MAP3K20: variants seen among roughly 807,000 people sequenced by gnomAD.
The protein encoded by MAP3K20 is HCCS-4.
In MAP3K20, 40 loss-of-function variants were observed where a neutral mutation model predicts 85.7. The observed-to-expected ratio is 0.47, with a 90% CI of 0.36 to 0.61. The LOEUF is 0.61. Among genes scored for constraint, MAP3K20 ranks in the 20% least tolerant of loss-of-function variants. The pLI is 0.00. For missense variants in MAP3K20, 817 were observed against 961.7 expected (o/e 0.85, Z 1.99); for synonymous variants, 325 against 327.7 (o/e 0.99, Z 0.09).
chr2:173,258,123 C>T (rs899432117), intron 16 of MAP3K20, among the ~76,000 whole-genome samples: 6 of 152,142 alleles, frequency 3.9e-5, no homozygotes, highest in Non-Finnish European at 8.8e-5. Flanking sequence ...TTTGGTTTCC[C>T]AGAGTCCCTC....
At position 173,266,619 on chromosome 2, in the gene MAP3K20, G is replaced by A. The variant is rs1408625736; in HGVS notation, c.2272G>A (p.Glu758Lys). 1.2e-6 allele frequency: 2 copies of A among 1,613,932 alleles called. No individual in the cohort carries two copies. Among genetic ancestry groups the A allele is most frequent in the South Asian group, 2.2e-5 (2 of 91,066 alleles). ...LHPETDSRAS[E>K]EDSKVSEGGW... ...CCCTGAGACTGACTCAAGAGCCAGT[G>A]AAGAGGACAGCAAAGTCAGCGAAGG... Residue 758 changes from glutamate (E) to lysine (K), a missense_variant, in exon 20 of 20, where the codon GAA becomes AAA. Physicochemically the swap from Glu to Lys is moderately conservative, Grantham distance 56 (BLOSUM62 1). Coordinates refer to ENST00000375213, the MANE Select transcript of MAP3K20 (RefSeq NM_016653.3).
chr2:173,247,613 G>A (rs1302413520), intron 16 of MAP3K20, among the ~76,000 whole-genome samples: 6 of 152,174 alleles, frequency 3.9e-5, no homozygotes, highest in Non-Finnish European at 7.3e-5. Context: ...ATAAGTTCTA[G>A]AGATCTACTG....
At chr2:173,116,183 G>T (rs1688118221) in intron 2 of MAP3K20, among the ~76,000 whole-genome samples, 1 of 152,078 alleles carries the variant, frequency 6.6e-6, no homozygotes, top group Non-Finnish European at 1.5e-5. Flanking sequence ...AAGTAAAATG[G>T]TATATATTCA....
intron 2 of MAP3K20, among the ~76,000 whole-genome samples, chr2:173,157,933 T>A (rs1689525398): frequency 6.6e-6 from 1 of 152,224 alleles, no homozygotes; most frequent in South Asian, 2.1e-4. Context: ...TTTGGAACTT[T>A]CTAGACCAGT....
At chr2:173,254,072 G>GAA (rs10659041) in intron 16 of MAP3K20, among the ~76,000 whole-genome samples, 25,380 of 134,320 alleles carry the variant, frequency 0.19, 3,331 homozygotes, top group East Asian at 0.53. Flanking sequence ...ACCTGTGTCA[G>GAA]AAAAAAAAAA....
chr2:173,123,126 C>T (rs921303981), intron 2 of MAP3K20, among the ~76,000 whole-genome samples: 2 of 152,170 alleles, frequency 1.3e-5, no homozygotes, highest in African/African-American at 2.4e-5. Context: ...ATTCCATCCT[C>T]CATATCATGC....
chr2:173,246,142 T>A (rs1179112802), intron 16 of MAP3K20, among the ~76,000 whole-genome samples: 1 of 152,140 alleles, frequency 6.6e-6, no homozygotes, highest in East Asian at 1.9e-4. Flanking sequence ...CTCTGTATCA[T>A]CCTCTTCATG....
intron 2 of MAP3K20, among the ~76,000 whole-genome samples, chr2:173,122,971 T>G (rs1038132367): frequency 6.6e-6 from 1 of 152,248 alleles, no homozygotes; most frequent in Non-Finnish European, 1.5e-5. Context: ...TTTTCAGAGA[T>G]GCAGCGCTCC....
intron 2 of MAP3K20, among the ~76,000 whole-genome samples, chr2:173,137,625 G>T (rs188793902): frequency 6.6e-6 from 1 of 152,070 alleles, no homozygotes; most frequent in Non-Finnish European, 1.5e-5. Flanking sequence ...CCTGTGAATA[G>T]GTATGTTGCT....
chr2:173,114,900 G>A (rs1449552635), intron 2 of MAP3K20, among the ~76,000 whole-genome samples: 1 of 152,174 alleles, frequency 6.6e-6, no homozygotes, highest in Admixed American at 6.5e-5. Flanking sequence ...AGATCTTTTT[G>A]CAGTGAATTT....
At chr2:173,214,537 C>T (rs1487230751) in intron 10 of MAP3K20, 1 of 152,130 alleles carries the variant, frequency 6.6e-6, no homozygotes, top group Non-Finnish European at 1.5e-5. Context: ...TTTGCAATTG[C>T]ACAAATCATG....
Position 173,219,563 on chromosome 2 carries a change from C to T in MAP3K20, c.987+2313C>T, listed in dbSNP as rs1027754585. 1.1e-4 allele frequency among the ~76,000 whole-genome samples: 16 copies of T among 152,240 alleles called. No homozygotes were observed. The East Asian group carries it at 2.3e-3, about 22-fold the overall frequency. On this transcript the variant is annotated intron_variant, in intron 11 of 19. Coordinates refer to ENST00000375213, the MANE Select transcript of MAP3K20 (RefSeq NM_016653.3). ...CCTGAGACTATCTAACAATTGAAAA[C>T]GAATTTCAGAAGCTGAGAAGTTTGA...
intron 2 of MAP3K20, among the ~76,000 whole-genome samples, chr2:173,123,682 A>C (rs919793058): frequency 6.6e-6 from 1 of 152,142 alleles, no homozygotes; most frequent in Non-Finnish European, 1.5e-5. Flanking sequence ...TCCAGGTTTC[A>C]GGTCCCATTC....
intron 11 of MAP3K20, among the ~76,000 whole-genome samples, chr2:173,220,069 A>G (rs1684197072): frequency 6.7e-6 from 1 of 150,300 alleles, no homozygotes; most frequent in Non-Finnish European, 1.5e-5. Flanking sequence ...CTCTGTCTCA[A>G]AAAAAAAAAG....
chr2:173,146,301 G>T (rs1227319447), intron 2 of MAP3K20, among the ~76,000 whole-genome samples: 6 of 151,752 alleles, frequency 4.0e-5, no homozygotes, highest in African/African-American at 1.5e-4. Flanking sequence ...CTCCAGAAGC[G>T]CCAATCAATA....
intron 11 of MAP3K20, among the ~76,000 whole-genome samples, chr2:173,218,748 T>TA: frequency 6.6e-6 from 1 of 152,392 alleles, no homozygotes; most frequent in Admixed American, 6.5e-5. Flanking sequence ...CCCATTCATA[T>TA]ATGCTTCAGA....
chr2:173,134,001 A>AAC (rs1168900062), intron 2 of MAP3K20, among the ~76,000 whole-genome samples: 1 of 151,184 alleles, frequency 6.6e-6, no homozygotes. Flanking sequence ...AAAAAACAAA[A>AAC]AACAAAAAAC....
In MAP3K20 at chr2:173,206,569, C is replaced by G. The variant is rs79274223; in HGVS notation, c.744+2699C>G. On this transcript the variant is annotated intron_variant, in intron 9 of 19. Transcript: ENST00000375213. The stretch of plus-strand genomic sequence containing the variant: ...ACAAGTTCTCTTCCTTCTTTACTTT[C>G]TCCTCTGAATACTTCATCATCAAGT... Among the ~76,000 whole-genome samples, 498 of 152,294 alleles carry G rather than the reference C, an allele frequency of 3.3e-3. 2 individuals are homozygous for G. The highest frequency in any genetic ancestry group is 0.012 in the African/African-American group (480 of 41,548).
intron 2 of MAP3K20, among the ~76,000 whole-genome samples, chr2:173,115,250 C>T (rs1278512384): frequency 2.0e-5 from 3 of 152,108 alleles, no homozygotes; most frequent in Non-Finnish European, 1.5e-5. Flanking sequence ...CCAAAATTTC[C>T]TGATTTTTTA....
Sources: gnomAD v4.1 joint callset for allele counts (sites outside exome capture counted in the v4.1 genomes callset) on GRCh38, gnomAD v4.1.1 for gene constraint, MANE v1.5 for transcripts, NCBI Gene and HGNC (gene_info 2026-07-23, HGNC 2026-07-21) for gene names.